Variants in CSMD3 observed in about 807,000 individuals in gnomAD.
CSMD3 encodes CUB and sushi domain-containing protein 3.
Under a neutral mutation model 435.2 loss-of-function variants are expected in CSMD3, and 177 were observed. The ratio of observed to expected loss-of-function variants is 0.41; its 90% CI spans 0.36 to 0.46. The LOEUF (loss-of-function observed/expected upper bound fraction) is 0.46, where lower values mean the gene tolerates loss of function less well. Ranked by LOEUF, CSMD3 falls within the 20% of genes least tolerant of loss-of-function variation. The pLI, the probability that CSMD3 is intolerant of heterozygous loss-of-function variation, is 0.34. For synonymous variants in CSMD3, 1,656 were observed against 1,520.5 expected (o/e 1.09, Z -2.07); for missense variants, 4,265 against 4,504.6 (o/e 0.95, Z 1.52).
At chr8:113,065,163 C>A (rs966215397) in intron 5 of CSMD3, among the ~76,000 whole-genome samples, 3 of 151,962 alleles carry the variant, frequency 2.0e-5, no homozygotes, top group Non-Finnish European at 4.4e-5. Flanking sequence ...TTGTACTAAC[C>A]TATATTATTT....
At position 112,468,679 on chromosome 8, in the gene CSMD3, A is replaced by G. The variant is rs562910110; in HGVS notation, c.5395+3912T>C. Among the ~76,000 whole-genome samples, 10 of 152,256 alleles carry G rather than the reference A, an allele frequency of 6.6e-5. No individual in the cohort carries two copies. In the South Asian group the frequency reaches 2.1e-3, roughly 32 times the overall value. On this transcript the variant is annotated intron_variant, in intron 32 of 70. Transcript: ENST00000297405. Reference sequence around the variant, plus strand: ...AATATAATTCATAAAGTCTTAGGCAACTAAACCATAAGAAAAAACAACTGG... The same window carrying G: ...AATATAATTCATAAAGTCTTAGGCAGCTAAACCATAAGAAAAAACAACTGG...
At chr8:112,556,333 G>A (rs181735704) in intron 25 of CSMD3, among the ~76,000 whole-genome samples, 153 of 152,026 alleles carry the variant, frequency 1.0e-3, no homozygotes, top group African/African-American at 3.6e-3. Flanking sequence ...TGAGTGCTAT[G>A]CTGTAACATG....
chr8:112,623,909 A>G (rs909708266), intron 22 of CSMD3, among the ~76,000 whole-genome samples: 9 of 152,042 alleles, frequency 5.9e-5, no homozygotes, highest in Non-Finnish European at 1.3e-4. Flanking sequence ...TGAATAAATG[A>G]ATGAAGGCTA....
At chr8:112,228,625 A>T (rs1812794335) in intron 70 of CSMD3, 131 bp downstream of exon 70, 1 of 908,766 alleles carries the variant, frequency 1.1e-6, no homozygotes, top group South Asian at 1.5e-5. Flanking sequence ...AGTGTCTATG[A>T]CAATAGTTAG....
chr8:113,269,171 G>C (rs1170945748), intron 3 of CSMD3, among the ~76,000 whole-genome samples: 1 of 151,572 alleles, frequency 6.6e-6, no homozygotes, highest in Admixed American at 6.6e-5. Flanking sequence ...ATTTGCCTCT[G>C]TGTTCCCACC....
intron 9 of CSMD3, among the ~76,000 whole-genome samples, chr8:112,939,409 C>A (rs2083382209): frequency 6.6e-6 from 1 of 152,038 alleles, no homozygotes; most frequent in Non-Finnish European, 1.5e-5. Flanking sequence ...TAGGCAAGTT[C>A]ATGAGTCTGA....
At chr8:113,232,599 T>C (rs540130039) in intron 3 of CSMD3, among the ~76,000 whole-genome samples, 90 of 151,954 alleles carry the variant, frequency 5.9e-4, no homozygotes, top group African/African-American at 2.0e-3. Context: ...CAAAAACTTT[T>C]ATTTTGTAAC....
intron 69 of CSMD3, among the ~76,000 whole-genome samples, chr8:112,229,719 G>A (rs1408706596): frequency 6.6e-6 from 1 of 152,086 alleles, no homozygotes; most frequent in East Asian, 1.9e-4. Flanking sequence ...ATGAGTGATG[G>A]CACCCAGCCA....
At chr8:113,145,803 T>C (rs1253480075) in intron 4 of CSMD3, among the ~76,000 whole-genome samples, 1 of 151,626 alleles carries the variant, frequency 6.6e-6, no homozygotes, top group Admixed American at 6.6e-5. Flanking sequence ...TAAATGAATA[T>C]CCTCATTTTG....
chr8:112,736,601 G>A (rs2077190238), intron 13 of CSMD3, among the ~76,000 whole-genome samples: 1 of 151,994 alleles, frequency 6.6e-6, no homozygotes, highest in South Asian at 2.1e-4. Context: ...AGATGAAGAA[G>A]TCCTTTTTAA....
chr8:113,040,432 G>T (rs770265919), intron 5 of CSMD3, among the ~76,000 whole-genome samples: 65 of 152,174 alleles, frequency 4.3e-4, no homozygotes, highest in Non-Finnish European at 3.8e-4. Context: ...AACAGAGTAG[G>T]GTTAGGGCAG....
intron 1 of CSMD3, among the ~76,000 whole-genome samples, chr8:113,403,048 T>C (rs1379394210): frequency 6.6e-6 from 1 of 151,334 alleles, no homozygotes; most frequent in Non-Finnish European, 1.5e-5. Flanking sequence ...TTTTCAGTCC[T>C]TACTCTGACA....
At chr8:112,377,267 C>A (rs1829032727) in intron 38 of CSMD3, among the ~76,000 whole-genome samples, 2 of 151,424 alleles carry the variant, frequency 1.3e-5, no homozygotes, top group Non-Finnish European at 2.9e-5. Context: ...TGAAAAAATT[C>A]CTAGAAATAT....
At chr8:112,312,526 G>A (rs1822084269) in intron 49 of CSMD3, among the ~76,000 whole-genome samples, 2 of 152,082 alleles carry the variant, frequency 1.3e-5, no homozygotes, top group Admixed American at 6.6e-5. Flanking sequence ...AAAGTGCTGG[G>A]ATTACAGGTG....
intron 28 of CSMD3, among the ~76,000 whole-genome samples, chr8:112,514,518 C>T (rs1823473786): frequency 6.6e-6 from 1 of 152,042 alleles, no homozygotes; most frequent in East Asian, 1.9e-4. Context: ...TAATTTGTTT[C>T]TCAAATTCAA....
chr8:112,575,343 C>A (rs1428119965), intron 23 of CSMD3, among the ~76,000 whole-genome samples: 3 of 151,990 alleles, frequency 2.0e-5, no homozygotes, highest in African/African-American at 4.8e-5. Context: ...AGTTTGTTTA[C>A]TTGTTCTTTA....
intron 1 of CSMD3, among the ~76,000 whole-genome samples, chr8:113,387,850 G>A (rs1200290467): frequency 6.6e-6 from 1 of 151,666 alleles, no homozygotes; most frequent in Non-Finnish European, 1.5e-5. Flanking sequence ...TAATCTAAAT[G>A]TATTACTGTC....
chr8:113,127,657 G>A (rs556775389), intron 4 of CSMD3, among the ~76,000 whole-genome samples: 23 of 152,080 alleles, frequency 1.5e-4, no homozygotes, highest in African/African-American at 5.5e-4. Context: ...ATCCTAATGT[G>A]TCTCCTCACA....
intron 56 of CSMD3, among the ~76,000 whole-genome samples, chr8:112,290,606 A>G: frequency 7.0e-6 from 1 of 143,800 alleles, no homozygotes; most frequent in Admixed American, 7.3e-5. Context: ...ATGTTGTCAC[A>G]AAATGTTCAT....
Sources: gnomAD v4.1 joint callset for allele counts (sites outside exome capture counted in the v4.1 genomes callset) on GRCh38, gnomAD v4.1.1 for gene constraint, MANE v1.5 for transcripts, NCBI Gene and HGNC (gene_info 2026-07-23, HGNC 2026-07-21) for gene names.